MTOR: variants seen among roughly 807,000 people sequenced by gnomAD.
MTOR encodes the protein mechanistic target of rapamycin kinase.
In MTOR, 70 loss-of-function variants were observed where a neutral mutation model predicts 319.8. The observed-to-expected ratio is 0.22, with a 90% CI of 0.18 to 0.27. The LOEUF (loss-of-function observed/expected upper bound fraction) is 0.27, where lower values mean the gene tolerates loss of function less well. MTOR is among the 10% of genes least tolerant of loss of function. MTOR has a pLI of 1.00. For synonymous variants in MTOR, 1,183 were observed against 1,211.4 expected (o/e 0.98, Z 0.49); for missense variants, 1,890 against 3,274.4 (o/e 0.58, Z 10.32).
intron 53 of MTOR, among the ~76,000 whole-genome samples, 183 bp downstream of exon 53, chr1:11,114,134 AG>A (rs1642038950): frequency 6.6e-6 from 1 of 152,212 alleles, no homozygotes; most frequent in Non-Finnish European, 1.5e-5. Context: ...TCTTTATAAC[AG>A]CGTGAGAACA....
rs2100431009 is a variant in MTOR, at chr1:11,130,617, G to A, written c.5525C>T (p.Ala1842Val). The A allele has an allele frequency of 6.2e-7, 1 of 1,613,758 alleles. No homozygotes were observed. The highest frequency in any genetic ancestry group is 8.5e-7 in the Non-Finnish European group (1 of 1,179,776). The change falls in exon 39 of 58, where the codon GCC becomes GTC. Residue 1842 changes from alanine to valine, a missense_variant. This residue lies in a region of MTOR where 91 missense variants were observed against 90.4 expected (regional missense o/e 1.01). Coordinates refer to ENST00000361445, the MANE Select transcript of MTOR (RefSeq NM_004958.4). ...CTCACTGTTGCTGCCCTCGGTGCTG[G>A]CAGTGGTGGTGGCAGTGGCGGCCGT... ...ATTAATATTT[A>V]STEGSNSESE... is the part of the protein sequence containing the mutation.
rs933446691 is a variant in MTOR at position 11,129,346 on chromosome 1, C to A, written c.5714+392G>T. The stretch of plus-strand genomic sequence containing the variant: ...ATGAAGGAGGATGTGGACCTTGTCA[C>A]CTTTACCCTCTGGGTTAACTGATTT... On this transcript the variant is annotated intron_variant, in intron 40 of 57. Transcript: ENST00000361445. The surrounding 1 kb of genome is among the most constrained non-coding windows in gnomAD (Gnocchi z 4.7). 6.6e-6 allele frequency among the ~76,000 whole-genome samples: 1 copy of A among 152,340 alleles called. No homozygotes were observed. Among genetic ancestry groups the A allele is most frequent in the East Asian group, 1.9e-4 (1 of 5,182 alleles).
chr1:11,218,077 T>C (rs1646533085), intron 19 of MTOR, among the ~76,000 whole-genome samples: 1 of 152,104 alleles, frequency 6.6e-6, no homozygotes, highest in African/African-American at 2.4e-5. Flanking sequence ...TTCCCCAAAT[T>C]GAATCACTAC....
At chr1:11,239,258 C>T (rs545879742) in intron 11 of MTOR, among the ~76,000 whole-genome samples, 1 of 152,244 alleles carries the variant, frequency 6.6e-6, no homozygotes, top group East Asian at 1.9e-4. Flanking sequence ...GAGGATAATA[C>T]AATTCTTGAT....
rs757991276 is a variant in MTOR at position 11,189,548 on chromosome 1, G to A, written c.4253+9710C>T. 7 of 1,559,494 alleles carry A rather than the reference G, an allele frequency of 4.5e-6. No individual in the cohort carries two copies. In the East Asian group the frequency reaches 1.6e-4, roughly 35 times the overall value. On this transcript the variant is annotated intron_variant, in intron 28 of 57. Transcript: ENST00000361445. ...CTGGGCATCTCCAGACTCCCCTGAA[G>A]GAAGAGCCTTCCTCACCCAAACCCA...
Position 11,121,390 on chromosome 1 carries a change from C to T in MTOR, c.6811-22G>A. On this transcript the variant is annotated intron_variant, in intron 48 of 57. Transcript: ENST00000361445. The surrounding 1 kb of genome is among the most constrained non-coding windows in gnomAD (Gnocchi z 4.9). ...CCATCTGCATCAGGACACAACTGTT[C>T]AGTAAGAGAGCAGCCTAAGACATGT... The T allele has an allele frequency of 1.2e-6, 2 of 1,613,396 alleles. No homozygotes were observed. The highest frequency in any genetic ancestry group is 1.7e-6 in the Non-Finnish European group (2 of 1,179,872).
intron 36 of MTOR, among the ~76,000 whole-genome samples, chr1:11,135,192 G>A (rs12116962): frequency 0.059 from 9,005 of 152,188 alleles, 378 homozygotes; most frequent in South Asian, 0.12. Flanking sequence ...GTACAAGCCC[G>A]CCACATCCAG....
chr1:11,231,564 A>C, intron 16 of MTOR, 130 bp from the exon 17 acceptor site: 1 of 1,137,764 alleles, frequency 8.8e-7, no homozygotes, highest in Non-Finnish European at 1.2e-6. Flanking sequence ...CAGTAAAGAC[A>C]CTAACCATGA....
chr1:11,156,696 T>C (rs1644329041), intron 30 of MTOR, among the ~76,000 whole-genome samples: 1 of 152,168 alleles, frequency 6.6e-6, no homozygotes, highest in Non-Finnish European at 1.5e-5. Flanking sequence ...TTTTCTTGTG[T>C]ATTTTGTTTC....
chr1:11,244,659 A>G (rs997687755), intron 8 of MTOR, among the ~76,000 whole-genome samples: 1 of 152,228 alleles, frequency 6.6e-6, no homozygotes, highest in Non-Finnish European at 1.5e-5. Context: ...ACAAAAAAAC[A>G]GTACAGTCGT....
intron 13 of MTOR, 58 bp from the exon 14 acceptor site, chr1:11,234,323 T>A (rs187307805): frequency 4.6e-5 from 71 of 1,531,842 alleles, no homozygotes; most frequent in African/African-American, 2.9e-4. Flanking sequence ...AGAGAGAGAC[T>A]GTGTCCAACA....
Position 11,259,323 on chromosome 1 carries a change from T to G in MTOR, c.87A>C (p.Leu29=). 4 of 1,613,362 alleles carry G rather than the reference T, an allele frequency of 2.5e-6. No individual in the cohort carries two copies. The highest frequency in any genetic ancestry group is 3.4e-6 in the Non-Finnish European group (4 of 1,179,768). ...CCCTGGTTTCCTCATTCCGGCTCTTTAGGCCACTGGCAAACTGCTGCAGGA... is the reference window on the plus strand; with the variant it reads ...CCCTGGTTTCCTCATTCCGGCTCTTGAGGCCACTGGCAAACTGCTGCAGGA... The part of the protein sequence containing the change: ...VSVLQQFASG[L]KSRNEETRAK... Residue 29 remains leucine, a synonymous_variant, in exon 2 of 58, where the codon CTA becomes CTC. Coordinates refer to ENST00000361445, the MANE Select transcript of MTOR (RefSeq NM_004958.4).
chr1:11,254,454 C>T (rs2100968801), intron 5 of MTOR, among the ~76,000 whole-genome samples: 1 of 152,160 alleles, frequency 6.6e-6, no homozygotes, highest in South Asian at 2.1e-4. Context: ...CTTCAATTCT[C>T]ATAATAAGCC....
chr1:11,124,728 T>C (rs551447196), intron 46 of MTOR, 95 bp from the exon 47 acceptor site: 243 of 1,374,478 alleles, frequency 1.8e-4, no homozygotes, highest in Middle Eastern at 7.5e-4. Context: ...ACAGACTACA[T>C]ATGCCTTACC....
intron 49 of MTOR, among the ~76,000 whole-genome samples, chr1:11,119,573 G>GGAAAAAAAA (rs1553172104): frequency 4.0e-5 from 1 of 24,864 alleles, no homozygotes; most frequent in Admixed American, 4.7e-4. Flanking sequence ...TCCGTCTCGA[G>GGAAAAAAAA]AAAAAAAAAA....
At chr1:11,255,892 A>T (rs918968368) in intron 5 of MTOR, 100 bp downstream of exon 5, 3 of 1,068,576 alleles carry the variant, frequency 2.8e-6, no homozygotes, top group Admixed American at 2.9e-5. Flanking sequence ...CCAAAACGTG[A>T]TTCTTGCTCC....
intron 32 of MTOR, 100 bp from the exon 33 acceptor site, chr1:11,145,145 A>T: frequency 2.0e-6 from 2 of 999,788 alleles, no homozygotes; most frequent in South Asian, 2.9e-5. Context: ...GTCTCACTTA[A>T]ATTCCAGGGA....
At chr1:11,242,709 AG>A (rs1190351169) in intron 9 of MTOR, among the ~76,000 whole-genome samples, 2 of 152,174 alleles carry the variant, frequency 1.3e-5, no homozygotes, top group Non-Finnish European at 2.9e-5. Flanking sequence ...AGGTTTAAAG[AG>A]GTGGAATAAC....
chr1:11,251,330 C>T (rs1043949417), intron 6 of MTOR, among the ~76,000 whole-genome samples: 1 of 152,218 alleles, frequency 6.6e-6, no homozygotes, highest in African/African-American at 2.4e-5. Context: ...CCCCAGATAC[C>T]TGTAGGGCTT....
Sources: allele counts gnomAD v4.1 joint callset (sites outside exome capture counted in the v4.1 genomes callset), GRCh38; gene constraint gnomAD v4.1.1; regional missense constraint gnomAD v4.1.1; non-coding constraint Gnocchi (gnomAD v3.1); transcripts MANE v1.5; gene names NCBI Gene and HGNC (gene_info 2026-07-23, HGNC 2026-07-21).